PTPRU: variants seen among roughly 807,000 people sequenced by gnomAD.
PTPRU encodes receptor-type tyrosine-protein phosphatase U.
Under a neutral mutation model 166.3 loss-of-function variants are expected in PTPRU, and 69 were observed. That is an observed-to-expected ratio of 0.41 (90% CI 0.34 to 0.51). PTPRU has a LOEUF of 0.51. Among genes scored for constraint, PTPRU ranks in the 20% least tolerant of loss-of-function variants. The probability of loss-of-function intolerance (pLI) is 0.09; values close to 1 mark genes in which losing one functional copy is unlikely to be tolerated. For synonymous variants in PTPRU, 793 were observed against 814.0 expected (o/e 0.97, Z 0.44); for missense variants, 1,657 against 2,013.7 (o/e 0.82, Z 3.39).
intron 18 of PTPRU, chr1:29,307,106 G>T: frequency 6.2e-7 from 1 of 1,612,912 alleles, no homozygotes; most frequent in Non-Finnish European, 8.5e-7. Flanking sequence ...GCTTTGTACT[G>T]TTTCCTCACT....
At chr1:29,256,542 C>G (rs569398329) in intron 2 of PTPRU, among the ~76,000 whole-genome samples, 107 of 152,340 alleles carry the variant, frequency 7.0e-4, no homozygotes, top group African/African-American at 2.5e-3. Context: ...GGAGAGAAGA[C>G]CTTCATGACC....
chr1:29,279,983 T>A lies in PTPRU; in HGVS notation c.1766-56T>A. On this transcript the variant is annotated intron_variant, in intron 10 of 29. Transcript: ENST00000373779. The surrounding 1 kb of genome is among the most constrained non-coding windows in gnomAD (Gnocchi z 5.2). Reference sequence around the variant, plus strand: ...ACTGTGGTCAAGGAGGCTGGAAGCCTGGTCTTCCTGGTCCAGTGGCCAAGC... The same window carrying A: ...ACTGTGGTCAAGGAGGCTGGAAGCCAGGTCTTCCTGGTCCAGTGGCCAAGC... The A allele has an allele frequency of 3.3e-6, 5 of 1,512,284 alleles. No individual in the cohort carries two copies. The highest frequency in any genetic ancestry group is 4.6e-6 in the Non-Finnish European group (5 of 1,090,782). The allele number at this position is 1,512,284 out of a possible 1,614,324, so 93.7% of individuals were successfully genotyped here.
At chr1:29,259,635 C>G (rs915536775) in intron 5 of PTPRU, 71 bp downstream of exon 5, 13 of 1,409,948 alleles carry the variant, frequency 9.2e-6, no homozygotes, top group Admixed American at 6.3e-5. Context: ...GGCCCTGACT[C>G]CCCCCAGATT....
chr1:29,260,171 A>C lies in PTPRU; in HGVS notation c.850+127A>C. The C allele has an allele frequency of 2.8e-6, 3 of 1,084,090 alleles. No individual in the cohort carries two copies. The highest frequency in any genetic ancestry group is 2.3e-5 in the South Asian group (1 of 44,286). 67.2% of individuals were successfully genotyped at this position (1,084,090 alleles called of 1,614,324 possible). A position where few individuals can be genotyped will look rare whatever the true frequency, so the allele number is the denominator to read the frequency against. Reference sequence around the variant, plus strand: ...GCCGGCAGGGTGTCGCTGGGGCGCTATCTGAAGATGGGCCTGTGGAAATGG... The same window carrying C: ...GCCGGCAGGGTGTCGCTGGGGCGCTCTCTGAAGATGGGCCTGTGGAAATGG... On this transcript the variant is annotated intron_variant, in intron 6 of 29. Transcript: ENST00000373779. The surrounding 1 kb of genome is among the most constrained non-coding windows in gnomAD (Gnocchi z 8.3).
Position 29,315,853 on chromosome 1 carries a change from T to A in PTPRU, c.3364-149T>A, listed in dbSNP as rs1687878921. 1.0e-6 allele frequency: 1 copy of A among 974,474 alleles called. No homozygotes were observed. The highest frequency in any genetic ancestry group is 1.6e-5 in the African/African-American group (1 of 60,916). 60.4% of individuals were successfully genotyped at this position (974,474 alleles called of 1,614,324 possible). A position where few individuals can be genotyped will look rare whatever the true frequency, so the allele number is the denominator to read the frequency against. Reference sequence around the variant, plus strand: ...TAAAGGGGCATGTCCATGGAGGTTGTTTCAGGTAGGCTTGGTCCAGCCTGT... The same window carrying A: ...TAAAGGGGCATGTCCATGGAGGTTGATTCAGGTAGGCTTGGTCCAGCCTGT... On this transcript the variant is annotated intron_variant, in intron 23 of 29. Coordinates refer to ENST00000373779, the MANE Select transcript of PTPRU (RefSeq NM_133178.4). The surrounding 1 kb of genome is among the most constrained non-coding windows in gnomAD (Gnocchi z 4.5).
Position 29,291,177 on chromosome 1 carries a change from C to T in PTPRU, c.2319-692C>T, listed in dbSNP as rs1486512796. Among the ~76,000 whole-genome samples the T allele has an allele frequency of 2.0e-5, 3 of 152,082 alleles. No individual in the cohort carries two copies. Among genetic ancestry groups the T allele is most frequent in the Admixed American group, 6.5e-5 (1 of 15,276 alleles). On this transcript the variant is annotated intron_variant, in intron 14 of 29. Transcript: ENST00000373779. This position sits in a 1 kb window ranked among gnomAD's most constrained non-coding sequence, Gnocchi z 4.1. Reference sequence around the variant, plus strand: ...TTCTCTTCCCTGCTGCTCTGAGCAGCAGGACGGACTGGTGGGCAGTGGTGG... The same window carrying T: ...TTCTCTTCCCTGCTGCTCTGAGCAGTAGGACGGACTGGTGGGCAGTGGTGG...
intron 1 of PTPRU, among the ~76,000 whole-genome samples, chr1:29,239,846 G>A (rs1303797574): frequency 1.3e-5 from 2 of 151,934 alleles, no homozygotes; most frequent in African/African-American, 4.8e-5. Context: ...TTCCCTCATG[G>A]TGCCAGGGAT....
chr1:29,325,404 C>T (rs1360014046), intron 29 of PTPRU, 78 bp downstream of exon 29: 7 of 1,557,610 alleles, frequency 4.5e-6, no homozygotes, highest in African/African-American at 1.4e-5. Context: ...CACCCACTCT[C>T]CCATATCTGG....
intron 8 of PTPRU, among the ~76,000 whole-genome samples, chr1:29,276,072 G>A (rs1685791691): frequency 6.6e-6 from 1 of 152,042 alleles, no homozygotes; most frequent in Non-Finnish European, 1.5e-5. Flanking sequence ...TTTTATTCTT[G>A]TATCAGTTTA....
intron 7 of PTPRU, among the ~76,000 whole-genome samples, chr1:29,265,870 C>T (rs1357511592): frequency 6.6e-6 from 1 of 152,024 alleles, no homozygotes; most frequent in African/African-American, 2.4e-5. Context: ...TCCTTTCACC[C>T]TCTTTATATG....
Position 29,255,300 on chromosome 1 carries a change from T to C in PTPRU, c.99T>C (p.Ser33=). 6.2e-7 allele frequency: 1 copy of C among 1,613,804 alleles called. No individual in the cohort carries two copies. The highest frequency in any genetic ancestry group is 8.5e-7 in the Non-Finnish European group (1 of 1,179,784). ...CTGGCTGCACCTTCGAGGAGGCAAG[T>C]GACCCAGCAGTGCCCTGCGAGTACA... is the stretch of plus-strand genomic sequence containing the variant. ...PAAGCTFEEA[S]DPAVPCEYSQ... Residue 33 remains serine, a synonymous_variant, in exon 2 of 30, where the codon AGT becomes AGC. Transcript: ENST00000373779.
intron 24 of PTPRU, among the ~76,000 whole-genome samples, chr1:29,316,713 T>G (rs1248012874): frequency 6.6e-6 from 1 of 152,158 alleles, no homozygotes; most frequent in Non-Finnish European, 1.5e-5. Flanking sequence ...CCATCATCTC[T>G]ATTGTCTGGT....
chr1:29,265,035 T>C (rs1300400154), intron 7 of PTPRU, among the ~76,000 whole-genome samples: 1 of 152,252 alleles, frequency 6.6e-6, no homozygotes, highest in African/African-American at 2.4e-5. Flanking sequence ...TTCCACTTTT[T>C]CATTATTACA....
In PTPRU at chr1:29,304,183, TG is replaced by T. The variant is rs547276521; in HGVS notation, c.2667+139del. The T allele has an allele frequency of 3.6e-4, 369 of 1,011,466 alleles. 3 individuals are homozygous for T. The South Asian group carries it at 6.8e-3, about 19-fold the overall frequency. The allele number at this position is 1,011,466 out of a possible 1,614,324, so 62.7% of individuals were successfully genotyped here. A position where few individuals can be genotyped will look rare whatever the true frequency, so the allele number is the denominator to read the frequency against. On this transcript the variant is annotated intron_variant, in intron 16 of 29. Transcript: ENST00000373779. Reference sequence around the variant, plus strand: ...CTGACAGTTTCCAACTCAACCTTTTTGACCTCGACTCTGACCCTCATCCTAA... The same window carrying T: ...CTGACAGTTTCCAACTCAACCTTTTTACCTCGACTCTGACCCTCATCCTAA...
At position 29,320,106 on chromosome 1, in the gene PTPRU, T is replaced by G. The variant is rs1235835682; in HGVS notation, c.3688-579T>G. 1 of 152,292 alleles carries G rather than the reference T, an allele frequency of 6.6e-6. No individual in the cohort carries two copies. Among genetic ancestry groups the G allele is most frequent in the Non-Finnish European group, 1.5e-5 (1 of 68,094 alleles). The allele number at this position is 152,292 out of a possible 1,614,324, so 9.4% of individuals were successfully genotyped here. A position where few individuals can be genotyped will look rare whatever the true frequency, so the allele number is the denominator to read the frequency against. On this transcript the variant is annotated intron_variant, in intron 25 of 29. Transcript: ENST00000373779. The surrounding 1 kb of genome is among the most constrained non-coding windows in gnomAD (Gnocchi z 5.2). Reference sequence around the variant, plus strand: ...CCATACCCTAGAAGCTCTGCTCTCCTGAACCTTGCTTTTAGCAGGTGGAGT... The same window carrying G: ...CCATACCCTAGAAGCTCTGCTCTCCGGAACCTTGCTTTTAGCAGGTGGAGT...
chr1:29,287,990 T>A (rs1227986002), intron 14 of PTPRU, among the ~76,000 whole-genome samples: 1 of 152,108 alleles, frequency 6.6e-6, no homozygotes, highest in Non-Finnish European at 1.5e-5. Flanking sequence ...ATTTTTTGTA[T>A]TTTTAGTAGA....
At chr1:29,325,416 C>A in intron 29 of PTPRU, 90 bp downstream of exon 29, 1 of 1,539,276 alleles carries the variant, frequency 6.5e-7, no homozygotes. Flanking sequence ...CATATCTGGG[C>A]CCCACCACTG....
chr1:29,257,966 A>C lies in PTPRU; in HGVS notation c.206-539A>C, dbSNP rs986469188. ...GACCTGTAGATTGTAAGGAGCCATA[A>C]TTTTTTTTTTCTTTTTGAGACCGAG... On this transcript the variant is annotated intron_variant, in intron 2 of 29. Coordinates refer to ENST00000373779, the MANE Select transcript of PTPRU (RefSeq NM_133178.4). This position sits in a 1 kb window ranked among gnomAD's most constrained non-coding sequence, Gnocchi z 4.6. Among the ~76,000 whole-genome samples, 5 of 150,308 alleles carry C rather than the reference A, an allele frequency of 3.3e-5. No individual in the cohort carries two copies. The highest frequency in any genetic ancestry group is 3.3e-4 in the Admixed American group (5 of 15,114).
rs990881920 is a variant in PTPRU, at chr1:29,308,671, G to A, written c.2821-2073G>A. ...ACTGTTTTCATAATATTTAATGACTGGTGATTATTTGCTATTTTGTGGGTG... is the reference window on the plus strand; with the variant it reads ...ACTGTTTTCATAATATTTAATGACTAGTGATTATTTGCTATTTTGTGGGTG... On this transcript the variant is annotated intron_variant, in intron 18 of 29. Transcript: ENST00000373779. Among the ~76,000 whole-genome samples, 5 of 151,730 alleles carry A rather than the reference G, an allele frequency of 3.3e-5. No homozygotes were observed. In the East Asian group the frequency reaches 7.8e-4, roughly 24 times the overall value.
Sources: gnomAD v4.1 joint callset for allele counts (sites outside exome capture counted in the v4.1 genomes callset) on GRCh38, gnomAD v4.1.1 for gene constraint, Gnocchi (gnomAD v3.1) non-coding constraint, MANE v1.5 for transcripts, NCBI Gene and HGNC (gene_info 2026-07-23, HGNC 2026-07-21) for gene names.